The following ZNF91 variants were observed in gnomAD, a reference collection of about 807,000 sequenced individuals.
ZNF91 encodes zinc finger protein 91.
Under a neutral mutation model 12.6 loss-of-function variants are expected in ZNF91, and 7 were observed. The observed-to-expected ratio is 0.55, with a 90% CI of 0.31 to 1.04. ZNF91 has a LOEUF of 1.04. ZNF91 is among the 50% of genes least tolerant of loss of function. ZNF91 has a pLI of 0.05. For missense variants in ZNF91, 1,217 were observed against 1,385.4 expected, an observed-to-expected ratio of 0.88 and a Z score of 1.93; for synonymous variants, 453 against 462.6, an observed-to-expected ratio of 0.98 and a Z score of 0.27.
intron 1 of ZNF91, among the ~76,000 whole-genome samples, chr19:23,389,899 A>G (rs11671028): frequency 0.14 from 21,156 of 152,216 alleles, 1,990 homozygotes; most frequent in Non-Finnish European, 0.21. Context: ...AAGCCCATCT[A>G]TGCTTCTGAG....
upstream of ZNF91, among the ~76,000 whole-genome samples, chr19:23,314,507 C>T (rs1967520828): frequency 2.0e-5 from 3 of 152,288 alleles, no homozygotes; most frequent in South Asian, 6.2e-4. Flanking sequence ...TCCTTTATTT[C>T]CAGAGACCTG....
chr19:23,391,786 T>C (rs1599763278), intron 1 of ZNF91, among the ~76,000 whole-genome samples: 1 of 152,222 alleles, frequency 6.6e-6, no homozygotes, highest in Non-Finnish European at 1.5e-5. Flanking sequence ...AGCTGGGACA[T>C]CTGCAGGGGA....
intron 2 of ZNF91, 68 bp from the exon 3 acceptor site, chr19:23,373,905 T>C: frequency 9.1e-7 from 1 of 1,098,960 alleles, no homozygotes; most frequent in Non-Finnish European, 1.3e-6. Flanking sequence ...AGTAATGTGC[T>C]CAGTAAAGAG....
chr19:23,347,696 CACTT>C (rs1175374251), intron 3 of ZNF91, among the ~76,000 whole-genome samples: 2 of 152,204 alleles, frequency 1.3e-5, no homozygotes. Flanking sequence ...ACCCTATCCT[CACTT>C]GTCTTCACCT....
chr19:23,338,412 G>C (rs1275870020), downstream of ZNF91: 2 of 151,330 alleles, frequency 1.3e-5, no homozygotes, highest in Non-Finnish European at 3.0e-5. Flanking sequence ...TTTATATCAA[G>C]CTAGAATAAC....
intron 1 of ZNF91, among the ~76,000 whole-genome samples, chr19:23,378,987 G>A (rs967639639): frequency 6.7e-6 from 1 of 150,060 alleles, no homozygotes; most frequent in Admixed American, 6.6e-5. Context: ...CTTGTATGAG[G>A]GGAGGAGCAA....
chr19:23,351,783 A>G (rs1232759559), intron 3 of ZNF91, among the ~76,000 whole-genome samples: 2 of 152,132 alleles, frequency 1.3e-5, no homozygotes, highest in East Asian at 1.9e-4. Flanking sequence ...CCCGGGAGAC[A>G]CCCTAAATAC....
chr19:23,342,199 T>C (rs1474336849), intron 3 of ZNF91: 2 of 562,828 alleles, frequency 3.6e-6, no homozygotes, highest in African/African-American at 1.8e-5. Context: ...CTCATGTCTC[T>C]TCACATTCCA....
At chr19:23,378,058 T>C (rs1005910568) in intron 1 of ZNF91, among the ~76,000 whole-genome samples, 1 of 152,238 alleles carries the variant, frequency 6.6e-6, no homozygotes, top group Non-Finnish European at 1.5e-5. Context: ...TTATTATGTT[T>C]ATATTTACTA....
In ZNF91 at chr19:23,359,158, G is replaced by T; in HGVS notation, c.*245C>A. On this transcript the variant is annotated 3_prime_UTR_variant, in exon 4 of 4. Transcript: ENST00000300619. ...ATGAATTACCTTATGTTTAGTAAAG[G>T]TTGAAGACCGGTTAAAAGATTTGCC... 1 of 511,960 alleles carries T rather than the reference G, an allele frequency of 2.0e-6. No individual in the cohort carries two copies. Among genetic ancestry groups the T allele is most frequent in the Non-Finnish European group, 3.6e-6 (1 of 275,616 alleles). 31.7% of individuals were successfully genotyped at this position (511,960 alleles called of 1,614,324 possible).
intron 1 of ZNF91, among the ~76,000 whole-genome samples, chr19:23,383,266 A>C (rs1333968924): frequency 6.6e-6 from 1 of 152,260 alleles, no homozygotes; most frequent in Non-Finnish European, 1.5e-5. Flanking sequence ...CAGTAGATGC[A>C]GAAAAAGCTT....
At chr19:23,369,371 C>T (rs1341470916) in intron 3 of ZNF91, among the ~76,000 whole-genome samples, 2 of 151,430 alleles carry the variant, frequency 1.3e-5, no homozygotes, top group African/African-American at 4.8e-5. Flanking sequence ...GCCAGCCGCC[C>T]CGTCCGGGAG....
chr19:23,322,181 C>A (rs1274812202), intron 1 of ZNF91, among the ~76,000 whole-genome samples: 1 of 152,210 alleles, frequency 6.6e-6, no homozygotes, highest in Non-Finnish European at 1.5e-5. Context: ...TCCTCTTCTT[C>A]CTGAGCCCTA....
At chr19:23,363,082 C>T (rs1398779420) in intron 3 of ZNF91, among the ~76,000 whole-genome samples, 9 of 152,078 alleles carry the variant, frequency 5.9e-5, no homozygotes, top group African/African-American at 2.2e-4. Context: ...TAAGTGTGTG[C>T]AGTGTCTCAG....
Position 23,381,714 on chromosome 19 carries a change from C to A in ZNF91, c.31-6950G>T, listed in dbSNP as rs571203053. On this transcript the variant is annotated intron_variant, in intron 1 of 3. Coordinates refer to ENST00000300619, the MANE Select transcript of ZNF91 (RefSeq NM_003430.4). ...ACCTCAGGTGATCCGCCCGACTTGG[C>A]CTCCCAAAGTGCTGGGATTACCAGC... 4.9e-4 allele frequency among the ~76,000 whole-genome samples: 75 copies of A among 152,204 alleles called. No homozygotes were observed. The South Asian group carries it at 0.011, about 23-fold the overall frequency.
At chr19:23,386,462 T>C (rs1969877232) in intron 1 of ZNF91, among the ~76,000 whole-genome samples, 1 of 152,112 alleles carries the variant, frequency 6.6e-6, no homozygotes. Context: ...AGAAACAAAC[T>C]CATAGATGAA....
upstream of ZNF91, among the ~76,000 whole-genome samples, chr19:23,314,194 T>C (rs1482215083): frequency 1.3e-5 from 2 of 152,214 alleles, no homozygotes; most frequent in African/African-American, 4.8e-5. Context: ...GATGTGAGTC[T>C]CCTGCCTAGA....
downstream of ZNF91, among the ~76,000 whole-genome samples, chr19:23,335,026 T>C (rs295401): frequency 0.29 from 44,423 of 152,106 alleles, 6,854 homozygotes; most frequent in East Asian, 0.39. Context: ...TACATGTGCA[T>C]AGCGTGGAGG....
Position 23,361,333 on chromosome 19 carries a change from T to G in ZNF91, c.1646A>C (p.Lys549Thr), listed in dbSNP as rs778151572. 55 of 1,610,480 alleles carry G rather than the reference T, an allele frequency of 3.4e-5. No individual in the cohort carries two copies. In the Admixed American group the frequency reaches 6.2e-4, roughly 18 times the overall value. The change falls in exon 4 of 4, where the codon AAA (lysine) becomes ACA (threonine). Residue 549 changes from lysine (K) to threonine (T), a missense_variant. Lys to Thr is a moderately conservative substitution (Grantham distance 78). Transcript: ENST00000300619. ...IHSREKPYKC[K>T]ECGKAFKQFS... The stretch of plus-strand genomic sequence containing the variant: ...TTGCTTAAAAGCTTTGCCACATTCT[T>G]TACATTTGTAGGGTTTCTCTCTACT...
Sources: gnomAD v4.1 joint callset for allele counts (sites outside exome capture counted in the v4.1 genomes callset) on GRCh38, gnomAD v4.1.1 for gene constraint, MANE v1.5 for transcripts, NCBI Gene and HGNC (gene_info 2026-07-23, HGNC 2026-07-21) for gene names.